Variants in AFAP1L2 observed in about 807,000 individuals in gnomAD.
The protein encoded by AFAP1L2 is actin filament associated protein 1 like 2.
AFAP1L2 carries 46 observed loss-of-function variants against 99.3 expected under a neutral mutation model. The observed-to-expected ratio is 0.46, with a 90% CI of 0.37 to 0.59. The LOEUF (loss-of-function observed/expected upper bound fraction) is 0.59. AFAP1L2 is among the 20% of genes least tolerant of loss of function. The pLI, the probability that AFAP1L2 is intolerant of heterozygous loss-of-function variation, is 0.00. For missense variants in AFAP1L2, 959 were observed against 1,034.9 expected (o/e 0.93, Z 1.01); for synonymous variants, 397 against 419.1 (o/e 0.95, Z 0.64).
At chr10:114,336,725 G>C (rs765073227) in intron 2 of AFAP1L2, among the ~76,000 whole-genome samples, 14 of 151,970 alleles carry the variant, frequency 9.2e-5, no homozygotes, top group Non-Finnish European at 1.8e-4. Context: ...CAGGAGTGGG[G>C]GCTGGTGTGG....
At chr10:114,321,086 G>A (rs750712832) in intron 5 of AFAP1L2, among the ~76,000 whole-genome samples, 12 of 152,310 alleles carry the variant, frequency 7.9e-5, no homozygotes, top group Middle Eastern at 6.8e-3. Flanking sequence ...ATCCCATCCC[G>A]CTCCCAGTCA....
Position 114,365,733 on chromosome 10 carries a change from T to C in AFAP1L2, c.17-25002A>G, listed in dbSNP as rs10787525. On this transcript the variant is annotated intron_variant, in intron 1 of 18. Transcript: ENST00000304129. ...TCTTTCTCTCTCTCTCTTTTTTTTT[T>C]TTTTTCTTCTGAGACAGGGTCCTAC... Among the ~76,000 whole-genome samples the C allele has an allele frequency of 1.1e-3, 171 of 149,862 alleles. 1 individual carries two copies. Among genetic ancestry groups the C allele is most frequent in the South Asian group, 0.011 (52 of 4,720 alleles).
At chr10:114,310,298 T>C in intron 8 of AFAP1L2, 56 bp downstream of exon 8, 9 of 1,542,570 alleles carry the variant, frequency 5.8e-6, no homozygotes, top group Non-Finnish European at 7.9e-6. Context: ...GCACTTTTAA[T>C]TTTTACAGAG....
intron 1 of AFAP1L2, among the ~76,000 whole-genome samples, chr10:114,383,866 CAGGCTGACAG>C (rs754124486): frequency 2.0e-5 from 3 of 152,300 alleles, no homozygotes; most frequent in Non-Finnish European, 4.4e-5. Context: ...ACGTAGCCCG[CAGGCTGACAG>C]AGGCTCTCCC....
chr10:114,297,051 G>A lies in AFAP1L2; in HGVS notation c.2357C>T (p.Ser786Phe), dbSNP rs1418505661. The A allele has an allele frequency of 6.2e-7, 1 of 1,614,118 alleles. No homozygotes were observed. The highest frequency in any genetic ancestry group is 1.7e-5 in the Admixed American group (1 of 60,006). ...AGGCCTGTTCTTGAGTGTGGTTGCA[G>A]AGTTGACTGGGGTACAGTCTGGGGC... ...ASAPDCTPVNSATTLKNRPLS... is the reference protein window; with the variant it reads ...ASAPDCTPVNFATTLKNRPLS... Residue 786 changes from serine to phenylalanine, a missense_variant, in exon 18 of 19, where the codon TCT becomes TTT. By Grantham distance (155) the Ser-to-Phe change is radical (BLOSUM62 -2). This residue lies in a region of AFAP1L2 where 576 missense variants were observed against 562.1 expected (regional missense o/e 1.02). Transcript: ENST00000304129.
chr10:114,405,174 T>TC (rs987370212), upstream of AFAP1L2, among the ~76,000 whole-genome samples: 5 of 152,278 alleles, frequency 3.3e-5, no homozygotes, highest in African/African-American at 1.2e-4. Context: ...ACGCCACAAG[T>TC]CAGGGAGTGC....
chr10:114,302,560 G>A, intron 11 of AFAP1L2, 76 bp from the exon 12 acceptor site: 1 of 1,579,562 alleles, frequency 6.3e-7, no homozygotes, highest in Non-Finnish European at 8.6e-7. Context: ...ACCAGGCCAT[G>A]ACCGTACCCC....
At position 114,310,425 on chromosome 10, in the gene AFAP1L2, C is replaced by G. The variant is rs140344453; in HGVS notation, c.811G>C (p.Gly271Arg). The part of the protein sequence containing the change: ...QWLRVIQEVS[G>R]LPSEGASEGN... ...TCAGATGCTCCTTCGGAAGGCAGGC[C>G]GCTCACTTCCTGGATGACCTGAGGC... The change falls in exon 8 of 19, where the codon GGC becomes CGC. Residue 271 changes from glycine to arginine, a missense_variant. By Grantham distance (125) the Gly-to-Arg change is moderately radical. Coordinates refer to ENST00000304129, the MANE Select transcript of AFAP1L2 (RefSeq NM_001001936.3). 7.4e-6 allele frequency: 12 copies of G among 1,613,766 alleles called. No individual in the cohort carries two copies. In the African/African-American group the frequency reaches 1.3e-4, roughly 18 times the overall value.
At chr10:114,303,492 A>C (rs1417974959) in intron 11 of AFAP1L2, among the ~76,000 whole-genome samples, 1 of 152,106 alleles carries the variant, frequency 6.6e-6, no homozygotes, top group Non-Finnish European at 1.5e-5. Flanking sequence ...ATTTTAGTAG[A>C]GACAGGGTTT....
intron 1 of AFAP1L2, among the ~76,000 whole-genome samples, chr10:114,349,383 C>CAAAAAAAAAA (rs113553514): frequency 1.0e-4 from 9 of 86,148 alleles, no homozygotes; most frequent in African/African-American, 1.9e-4. Flanking sequence ...AACTCGGTCT[C>CAAAAAAAAAA]AAAAAAAAAA....
intron 16 of AFAP1L2, among the ~76,000 whole-genome samples, chr10:114,298,624 G>C (rs987025683): frequency 5.3e-5 from 8 of 151,884 alleles, no homozygotes; most frequent in African/African-American, 1.7e-4. Flanking sequence ...GCCAAGGCAG[G>C]TGTCCCTTGG....
chr10:114,361,990 T>G (rs1044477619), intron 1 of AFAP1L2, among the ~76,000 whole-genome samples: 1 of 152,188 alleles, frequency 6.6e-6, no homozygotes, highest in Admixed American at 6.5e-5. Context: ...CTATTCAATT[T>G]TTTCTTTCTT....
intron 4 of AFAP1L2, among the ~76,000 whole-genome samples, chr10:114,324,061 A>T (rs2135275053): frequency 6.6e-6 from 1 of 152,358 alleles, no homozygotes; most frequent in African/African-American, 2.4e-5. Flanking sequence ...AGAAGCACAG[A>T]ACGTGAAATC....
At position 114,333,271 on chromosome 10, in the gene AFAP1L2, A is replaced by C; in HGVS notation, c.170T>G (p.Met57Arg). ...TTGCTTGTTGATGGTCACTTTGTTCATATAAATGTACTCCTCATCAGAGCC... is the reference window on the plus strand; with the variant it reads ...TTGCTTGTTGATGGTCACTTTGTTCCTATAAATGTACTCCTCATCAGAGCC... The part of the protein sequence containing the change: ...SSSSDEEYIY[M>R]NKVTINKQQN... The change falls in exon 3 of 19, where the codon ATG becomes AGG. Residue 57 changes from methionine (M) to arginine (R), a missense_variant. By Grantham distance (91) the Met-to-Arg change is moderately conservative (BLOSUM62 -1). Around this residue, in one of 2 missense-constraint regions of AFAP1L2, gnomAD observed 383 missense variants for 472.8 expected, o/e 0.81. Transcript: ENST00000304129. The C allele has an allele frequency of 6.2e-7, 1 of 1,614,046 alleles. No individual in the cohort carries two copies. The highest frequency in any genetic ancestry group is 8.5e-7 in the Non-Finnish European group (1 of 1,179,992).
At chr10:114,296,834 AGCCATG>A (rs2040306483) in intron 18 of AFAP1L2, 138 bp downstream of exon 18, 1 of 1,393,458 alleles carries the variant, frequency 7.2e-7, no homozygotes, top group South Asian at 1.3e-5. Flanking sequence ...GGCATGGCAA[AGCCATG>A]GCCACTCCTT....
At chr10:114,326,014 C>A (rs748541470) in intron 4 of AFAP1L2, 1 of 1,208,006 alleles carries the variant, frequency 8.3e-7, no homozygotes. Flanking sequence ...TCTGGGCACC[C>A]GAGATCTGGC....
the AFAP1L2 span, among the ~76,000 whole-genome samples, chr10:114,285,321 G>A: frequency 5.9e-5 from 9 of 152,238 alleles, no homozygotes; most frequent in African/African-American, 1.7e-4. Context: ...TGAAAGCAGA[G>A]CAAGGAGCCC....
At chr10:114,378,723 C>T (rs529136179) in intron 1 of AFAP1L2, among the ~76,000 whole-genome samples, 4 of 152,286 alleles carry the variant, frequency 2.6e-5, no homozygotes, top group Non-Finnish European at 4.4e-5. Context: ...GCAATGGCCC[C>T]CCATCTTCCA....
intron 6 of AFAP1L2, 61 bp from the exon 7 acceptor site, chr10:114,314,111 G>A: frequency 6.5e-7 from 1 of 1,527,700 alleles, no homozygotes; most frequent in Non-Finnish European, 8.9e-7. Flanking sequence ...GGTGATGTCT[G>A]CAAAGGAGGG....
Sources: allele counts gnomAD v4.1 joint callset (sites outside exome capture counted in the v4.1 genomes callset), GRCh38; gene constraint gnomAD v4.1.1; regional missense constraint gnomAD v4.1.1; transcripts MANE v1.5; gene names NCBI Gene and HGNC (gene_info 2026-07-23, HGNC 2026-07-21).